The following PVT1 variants were observed in gnomAD, a reference collection of about 807,000 sequenced individuals.
PVT1 encodes CXCR4/PVT1 fusion.
chr8:127,902,201 A>G (rs192167185), intron 3 of PVT1, among the ~76,000 whole-genome samples: 2 of 152,258 alleles, frequency 1.3e-5, no homozygotes, highest in Admixed American at 6.5e-5. Context: ...TTTGGCACGG[A>G]AAGTCCAACA....
At chr8:127,978,482 T>TTATTTA (rs934423040) in intron 3 of PVT1, among the ~76,000 whole-genome samples, 70 of 150,924 alleles carry the variant, frequency 4.6e-4, no homozygotes, top group African/African-American at 1.7e-3. Flanking sequence ...ATTATTATTA[T>TTATTTA]TTATTATTAT....
Position 127,961,177 on chromosome 8 carries a change from G to A in PVT1, n.783-27985G>A, listed in dbSNP as rs533486754. On this transcript the variant is annotated intron_variant and non_coding_transcript_variant, in intron 3 of 10. Coordinates refer to ENST00000651587, the Ensembl canonical transcript of PVT1. ...AGACCATTTTGACTTTGTGCTGAGG[G>A]CGATGGTCTCATGATGCAGATTTTA... is the stretch of plus-strand genomic sequence containing the variant. Among the ~76,000 whole-genome samples, 16 of 152,276 alleles carry A rather than the reference G, an allele frequency of 1.1e-4. No homozygotes were observed. In the South Asian group the frequency reaches 3.3e-3, roughly 32 times the overall value.
At chr8:127,877,417 C>G (rs1468273943) in intron 2 of PVT1, among the ~76,000 whole-genome samples, 1 of 152,016 alleles carries the variant, frequency 6.6e-6, no homozygotes, top group East Asian at 1.9e-4. Context: ...CTGATAAATG[C>G]CATTTCCTTT....
At chr8:127,960,690 G>A (rs553793026) in intron 3 of PVT1, 85 of 523,414 alleles carry the variant, frequency 1.6e-4, no homozygotes, top group South Asian at 1.2e-3. Flanking sequence ...CTGTTCTGGA[G>A]TCTGTCTCCA....
At chr8:127,927,863 C>T (rs1382628171) in intron 3 of PVT1, among the ~76,000 whole-genome samples, 1 of 152,230 alleles carries the variant, frequency 6.6e-6, no homozygotes, top group African/African-American at 2.4e-5. Flanking sequence ...AAATACTGAG[C>T]AAAGCTCATA....
intron 4 of PVT1, among the ~76,000 whole-genome samples, chr8:127,994,327 G>A (rs1307831643): frequency 6.6e-6 from 1 of 152,148 alleles, no homozygotes; most frequent in Non-Finnish European, 1.5e-5. Context: ...CAGAGCCTTG[G>A]GTCTCACTGA....
At chr8:127,979,417 A>T (rs1816859032) in intron 3 of PVT1, among the ~76,000 whole-genome samples, 1 of 152,114 alleles carries the variant, frequency 6.6e-6, no homozygotes, top group Non-Finnish European at 1.5e-5. Context: ...TGGTCCTGGA[A>T]CCTTCATCTT....
At chr8:128,015,054 G>GATTT (rs59316636) in intron 4 of PVT1, among the ~76,000 whole-genome samples, 44,660 of 145,924 alleles carry the variant, frequency 0.31, 7,580 homozygotes, top group Non-Finnish European at 0.39. Flanking sequence ...AAGAGAAATA[G>GATTT]ATTTATTTAT....
At chr8:127,869,549 A>T (rs1279237315) in intron 2 of PVT1, among the ~76,000 whole-genome samples, 2 of 152,084 alleles carry the variant, frequency 1.3e-5, no homozygotes, top group Non-Finnish European at 2.9e-5. Flanking sequence ...AGGGACAAAG[A>T]AGATGGTAGA....
intron 3 of PVT1, among the ~76,000 whole-genome samples, chr8:127,986,178 G>C (rs1202375839): frequency 6.6e-6 from 1 of 152,218 alleles, no homozygotes; most frequent in Non-Finnish European, 1.5e-5. Context: ...TCGGCCTGTA[G>C]AGAGGAATGG....
chr8:127,940,697 C>T (rs1816339022), intron 3 of PVT1, among the ~76,000 whole-genome samples: 1 of 151,986 alleles, frequency 6.6e-6, no homozygotes, highest in African/African-American at 2.4e-5. Context: ...ACCTCCAGGG[C>T]TCAAGGGGTC....
chr8:128,083,497 G>T (rs148031130), intron 5 of PVT1, among the ~76,000 whole-genome samples: 1 of 152,122 alleles, frequency 6.6e-6, no homozygotes, highest in African/African-American at 2.4e-5. Context: ...ACAAAAAAAG[G>T]CTCCTTAGAG....
chr8:127,878,286 A>G (rs1270328809), intron 2 of PVT1, among the ~76,000 whole-genome samples: 2 of 152,178 alleles, frequency 1.3e-5, no homozygotes, highest in African/African-American at 4.8e-5. Context: ...GAGCCTAAAG[A>G]TGAAGGAGAG....
Position 127,796,255 on chromosome 8 carries a change from T to TG in PVT1, n.372+184_372+185insG, listed in dbSNP as rs887044145. 4.2e-4 allele frequency among the ~76,000 whole-genome samples: 64 copies of TG among 152,314 alleles called. 1 individual carries two copies. The highest frequency in any genetic ancestry group is 1.4e-3 in the African/African-American group (58 of 41,568). On this transcript the variant is annotated intron_variant and non_coding_transcript_variant, in intron 2 of 10. Transcript: ENST00000651587. ...AGTCCGTTTTTGTTTTGTTTTGTTT[T>TG]TTTTCTGATTAACTTTCCTTTTCCT...
chr8:128,058,888 T>C (rs2608058), intron 4 of PVT1, among the ~76,000 whole-genome samples: 12,671 of 152,210 alleles, frequency 0.083, 731 homozygotes, highest in East Asian at 0.22. Context: ...GTTTGGCACT[T>C]GGTATTGCAC....
chr8:128,089,739 C>A (rs1814325762), intron 5 of PVT1, among the ~76,000 whole-genome samples: 1 of 152,236 alleles, frequency 6.6e-6, no homozygotes, highest in Non-Finnish European at 1.5e-5. Flanking sequence ...CTCCCTCTCT[C>A]TTTCTCTGTT....
intron 2 of PVT1, chr8:127,855,366 A>T (rs1324017489): frequency 5.1e-6 from 2 of 395,808 alleles, no homozygotes; most frequent in Non-Finnish European, 8.9e-6. Context: ...CGGTGTGCGG[A>T]AATTGGATGG....
chr8:127,901,131 G>A (rs1815753873), intron 3 of PVT1, among the ~76,000 whole-genome samples: 1 of 152,196 alleles, frequency 6.6e-6, no homozygotes, highest in Non-Finnish European at 1.5e-5. Flanking sequence ...AGCGTTGTCT[G>A]GGCCTGGCTG....
chr8:128,098,798 C>G (rs1015605181), intron 6 of PVT1, among the ~76,000 whole-genome samples: 1 of 152,142 alleles, frequency 6.6e-6, no homozygotes. Flanking sequence ...TGTTAGTGCA[C>G]CCTAGTGCCT....
Sources: gnomAD v4.1 joint callset for allele counts (sites outside exome capture counted in the v4.1 genomes callset) on GRCh38, gnomAD v4.1.1 for gene constraint, MANE v1.5 for transcripts, NCBI Gene and HGNC (gene_info 2026-07-23, HGNC 2026-07-21) for gene names.